The following PLPPR1 variants were observed in gnomAD, a reference collection of about 807,000 sequenced individuals.
PLPPR1 encodes the protein phospholipid phosphatase related 1.
In PLPPR1, 10 loss-of-function variants were observed where a neutral mutation model predicts 33.1. The observed-to-expected ratio is 0.30, with a 90% confidence interval of 0.19 to 0.51. The LOEUF (loss-of-function observed/expected upper bound fraction) is 0.51. PLPPR1 is among the 20% of genes least tolerant of loss of function. The pLI is 0.97. For synonymous variants in PLPPR1, 151 were observed against 151.0 expected (o/e 1.00, Z 0.00); for missense variants, 304 against 408.1 (o/e 0.74, Z 2.20).
intron 1 of PLPPR1, among the ~76,000 whole-genome samples, chr9:101,173,940 A>C (rs538238837): frequency 1.3e-5 from 2 of 152,096 alleles, no homozygotes; most frequent in Non-Finnish European, 2.9e-5. Context: ...CAACAGTGAC[A>C]GAGTTGAGAA....
intron 1 of PLPPR1, among the ~76,000 whole-genome samples, chr9:101,088,402 A>T (rs1240398506): frequency 1.3e-5 from 2 of 151,082 alleles, no homozygotes; most frequent in East Asian, 2.0e-4. Context: ...AATTATTGAA[A>T]AAAAGTAATT....
At chr9:101,101,952 A>G (rs1332128832) in intron 1 of PLPPR1, among the ~76,000 whole-genome samples, 1 of 152,106 alleles carries the variant, frequency 6.6e-6, no homozygotes, top group Non-Finnish European at 1.5e-5. Context: ...TATTCTCCCA[A>G]AAAAGAATTC....
At chr9:101,224,018 A>G (rs75179736) in intron 2 of PLPPR1, among the ~76,000 whole-genome samples, 3,568 of 152,242 alleles carry the variant, frequency 0.023, 135 homozygotes, top group African/African-American at 0.082. Flanking sequence ...ATGATGTATT[A>G]TAACATATGG....
intron 3 of PLPPR1, among the ~76,000 whole-genome samples, chr9:101,284,519 C>CA (rs1564026535): frequency 1.3e-5 from 2 of 152,076 alleles, no homozygotes. Flanking sequence ...GTTTGTACCA[C>CA]AAAAATGATA....
At chr9:101,212,346 G>T (rs1015005529) in intron 2 of PLPPR1, among the ~76,000 whole-genome samples, 1 of 152,042 alleles carries the variant, frequency 6.6e-6, no homozygotes, top group African/African-American at 2.4e-5. Context: ...GACTCCCAAA[G>T]TGCTGGGATT....
chr9:101,316,454 A>C (rs1275463978), intron 6 of PLPPR1, among the ~76,000 whole-genome samples: 1 of 151,786 alleles, frequency 6.6e-6, no homozygotes, highest in Non-Finnish European at 1.5e-5. Flanking sequence ...AAGAAAAAAG[A>C]AAAAAGCTGA....
chr9:101,165,609 G>A (rs1825842811), intron 1 of PLPPR1, among the ~76,000 whole-genome samples: 1 of 152,130 alleles, frequency 6.6e-6, no homozygotes, highest in Admixed American at 6.6e-5. Flanking sequence ...TCTGCTCCAT[G>A]CTGTGCCTGA....
chr9:101,271,173 G>T (rs1422258479), intron 3 of PLPPR1, among the ~76,000 whole-genome samples: 1 of 152,130 alleles, frequency 6.6e-6, no homozygotes, highest in East Asian at 1.9e-4. Flanking sequence ...GCCACAACAT[G>T]ATGTATCAGA....
intron 4 of PLPPR1, 45 bp from the exon 5 acceptor site, chr9:101,309,166 G>T: frequency 6.2e-7 from 1 of 1,604,090 alleles, no homozygotes; most frequent in South Asian, 1.1e-5. Context: ...AAATGCAATT[G>T]ACAGAGTATG....
At chr9:101,070,299 T>A (rs1490750835) in intron 1 of PLPPR1, among the ~76,000 whole-genome samples, 1 of 152,130 alleles carries the variant, frequency 6.6e-6, no homozygotes. Flanking sequence ...ATGTTTATTA[T>A]ATACTTTGGG....
intron 1 of PLPPR1, among the ~76,000 whole-genome samples, chr9:101,162,619 C>T (rs1003429096): frequency 6.6e-6 from 1 of 152,152 alleles, no homozygotes; most frequent in Non-Finnish European, 1.5e-5. Flanking sequence ...AGAGAGAATT[C>T]GAGTTTTTGT....
At chr9:101,308,763 T>C (rs1828900581) in intron 4 of PLPPR1, among the ~76,000 whole-genome samples, 1 of 152,084 alleles carries the variant, frequency 6.6e-6, no homozygotes, top group Non-Finnish European at 1.5e-5. Context: ...AGGTATTTCG[T>C]ATAGAAGGAG....
At chr9:101,065,441 G>T (rs775113143) in intron 1 of PLPPR1, among the ~76,000 whole-genome samples, 1 of 152,066 alleles carries the variant, frequency 6.6e-6, no homozygotes, top group Non-Finnish European at 1.5e-5. Flanking sequence ...GCTTTTCTCA[G>T]AATAATTGGT....
At chr9:101,043,441 A>G (rs1209531139) in intron 1 of PLPPR1, among the ~76,000 whole-genome samples, 6 of 151,538 alleles carry the variant, frequency 4.0e-5, no homozygotes, top group Non-Finnish European at 8.8e-5. Flanking sequence ...ATATATGTAT[A>G]TGCATACACA....
intron 2 of PLPPR1, among the ~76,000 whole-genome samples, chr9:101,213,635 G>C (rs919101090): frequency 1.3e-5 from 2 of 152,058 alleles, no homozygotes; most frequent in Non-Finnish European, 2.9e-5. Context: ...TTAGCATTTT[G>C]TTTATAGGAT....
At chr9:101,317,255 A>G (rs375948512) in intron 6 of PLPPR1, 110 bp from the exon 7 acceptor site, 2 of 1,183,404 alleles carry the variant, frequency 1.7e-6, no homozygotes, top group East Asian at 2.4e-5. Flanking sequence ...CTCAAAGGAA[A>G]AAGGTCACTC....
intron 4 of PLPPR1, among the ~76,000 whole-genome samples, chr9:101,294,631 T>C (rs1036055054): frequency 2.0e-5 from 3 of 152,174 alleles, no homozygotes; most frequent in Non-Finnish European, 4.4e-5. Flanking sequence ...ATCCCTGGGA[T>C]GCAAGGCTGG....
At chr9:101,065,437 C>T (rs914572096) in intron 1 of PLPPR1, among the ~76,000 whole-genome samples, 32 of 152,088 alleles carry the variant, frequency 2.1e-4, no homozygotes, top group African/African-American at 7.5e-4. Flanking sequence ...AACAGCTTTT[C>T]TCAGAATAAT....
chr9:101,158,804 T>C (rs1346339633), intron 1 of PLPPR1, among the ~76,000 whole-genome samples: 1 of 152,116 alleles, frequency 6.6e-6, no homozygotes, highest in Non-Finnish European at 1.5e-5. Context: ...TCCAGATAAA[T>C]AGAAGTTGCA....
Sources: gnomAD v4.1 joint callset for allele counts (sites outside exome capture counted in the v4.1 genomes callset) on GRCh38, gnomAD v4.1.1 for gene constraint, MANE v1.5 for transcripts, NCBI Gene and HGNC (gene_info 2026-07-23, HGNC 2026-07-21) for gene names.